Variants in TCEA3 observed in about 807,000 individuals in gnomAD.
TCEA3 encodes the protein transcription elongation factor A protein 3.
TCEA3 carries 36 observed loss-of-function variants against 44.0 expected under a neutral mutation model. The ratio of observed to expected loss-of-function variants is 0.82; its 90% CI spans 0.63 to 1.08. The LOEUF is 1.08. Among genes scored for constraint, TCEA3 ranks in the 50% least tolerant of loss-of-function variants. TCEA3 has a pLI of 0.00. For synonymous variants in TCEA3, 162 were observed against 159.7 expected (o/e 1.01, Z -0.11); for missense variants, 392 against 441.2 (o/e 0.89, Z 1.00).
intron 8 of TCEA3, among the ~76,000 whole-genome samples, chr1:23,392,448 A>C (rs796330344): frequency 4.0e-5 from 1 of 24,930 alleles, no homozygotes; most frequent in Non-Finnish European, 1.0e-4. Context: ...CATGCACAAT[A>C]CACACACACT....
intron 8 of TCEA3, among the ~76,000 whole-genome samples, chr1:23,388,584 A>G (rs986587088): frequency 5.3e-5 from 8 of 152,158 alleles, no homozygotes; most frequent in African/African-American, 1.7e-4. Flanking sequence ...TAGTGTGCTC[A>G]CCTTTCATTA....
intron 8 of TCEA3, among the ~76,000 whole-genome samples, chr1:23,392,600 C>A: frequency 6.6e-6 from 1 of 150,680 alleles, no homozygotes; most frequent in Non-Finnish European, 1.5e-5. Flanking sequence ...ACACACACTC[C>A]ACACATCATA....
intron 4 of TCEA3, among the ~76,000 whole-genome samples, chr1:23,416,000 CTTT>C (rs768819564): frequency 2.2e-4 from 26 of 118,704 alleles, no homozygotes; most frequent in Middle Eastern, 4.6e-3. Context: ...CTACATTTTC[CTTT>C]TTTTTTTTTT....
chr1:23,382,645 T>C (rs1034749654), intron 10 of TCEA3, among the ~76,000 whole-genome samples: 1 of 152,234 alleles, frequency 6.6e-6, no homozygotes, highest in East Asian at 1.9e-4. Context: ...AGATGCCATA[T>C]GAGCTCTCAG....
At chr1:23,383,329 C>T (rs549465655) in intron 10 of TCEA3, 20 of 737,924 alleles carry the variant, frequency 2.7e-5, no homozygotes, top group East Asian at 2.6e-4. Flanking sequence ...GTCGGAGCAT[C>T]GGCTTTCAGT....
intron 4 of TCEA3, 69 bp from the exon 5 acceptor site, chr1:23,408,795 G>C: frequency 1.4e-6 from 2 of 1,446,788 alleles, no homozygotes; most frequent in South Asian, 2.5e-5. Context: ...AAGGTGGGGA[G>C]AAAGCATCCT....
chr1:23,397,524 C>T (rs1170335926), intron 7 of TCEA3, 21 bp downstream of exon 7: 1 of 1,612,306 alleles, frequency 6.2e-7, no homozygotes, highest in Non-Finnish European at 8.5e-7. Context: ...CACCCACAGC[C>T]CCGGCACAGT....
chr1:23,389,245 T>A (rs1638946671), intron 8 of TCEA3, among the ~76,000 whole-genome samples: 1 of 152,088 alleles, frequency 6.6e-6, no homozygotes, highest in Admixed American at 6.5e-5. Flanking sequence ...CTCAGCACTT[T>A]GGGAGGCTGG....
chr1:23,408,206 C>G (rs555696855), intron 5 of TCEA3, among the ~76,000 whole-genome samples: 1 of 152,292 alleles, frequency 6.6e-6, no homozygotes, highest in South Asian at 2.1e-4. Context: ...AAGTGATCCG[C>G]CTGCCTCGGC....
chr1:23,398,183 T>A (rs2148559653), intron 5 of TCEA3, among the ~76,000 whole-genome samples: 1 of 152,282 alleles, frequency 6.6e-6, no homozygotes, highest in East Asian at 1.9e-4. Flanking sequence ...TTAAAGTGCA[T>A]GGTAGAGAAA....
intron 9 of TCEA3, among the ~76,000 whole-genome samples, chr1:23,384,713 C>T (rs1475979049): frequency 7.3e-6 from 1 of 136,622 alleles, no homozygotes; most frequent in Non-Finnish European, 1.5e-5. Flanking sequence ...GTTGCCCAGA[C>T]TGGAGTGCAG....
chr1:23,417,330 T>C lies in TCEA3; in HGVS notation c.299A>G (p.Glu100Gly). ...GEEREKAKKKEKGLECSDWKP... is the reference protein window; with the variant it reads ...GEEREKAKKKGKGLECSDWKP... Reference sequence around the variant, plus strand: ...CCAGTCTGAACACTCAAGCCCTTTTTCCTTCTTCTTTGCCTTTTCTCTTTC... The same window carrying C: ...CCAGTCTGAACACTCAAGCCCTTTTCCCTTCTTCTTTGCCTTTTCTCTTTC... The change falls in exon 4 of 11, where the codon GAA becomes GGA. Residue 100 changes from glutamate (E) to glycine (G), a missense_variant. Glu to Gly is a moderately conservative substitution (Grantham distance 98, BLOSUM62 -2). Transcript: ENST00000450454. 1 of 1,614,060 alleles carries C rather than the reference T, an allele frequency of 6.2e-7. No homozygotes were observed. Among genetic ancestry groups the C allele is most frequent in the Non-Finnish European group, 8.5e-7 (1 of 1,179,898 alleles).
intron 5 of TCEA3, among the ~76,000 whole-genome samples, chr1:23,406,749 T>C (rs1639556239): frequency 6.6e-6 from 1 of 152,130 alleles, no homozygotes; most frequent in Non-Finnish European, 1.5e-5. Flanking sequence ...CGGGTTCAAG[T>C]GATTCTTTTG....
chr1:23,405,074 G>GT lies in TCEA3; in HGVS notation c.443+3589dup, dbSNP rs559368145. ...TTCCCCAAAGCAACAATCAGCTGCA[G>GT]TGGGGTAGTGGCTGCCCCCTTCAGA... On this transcript the variant is annotated intron_variant, in intron 5 of 10. Transcript: ENST00000450454. Among the ~76,000 whole-genome samples, 202 of 152,308 alleles carry GT rather than the reference G, an allele frequency of 1.3e-3. 5 individuals are homozygous for GT. In the East Asian group the frequency reaches 0.033, roughly 25 times the overall value.
At chr1:23,422,556 T>C (rs1640095729) in intron 1 of TCEA3, among the ~76,000 whole-genome samples, 1 of 152,116 alleles carries the variant, frequency 6.6e-6, no homozygotes. Flanking sequence ...GCCTAACCAC[T>C]GCTGGGCGGG....
At chr1:23,403,693 T>G (rs1639461591) in intron 5 of TCEA3, 1 of 183,090 alleles carries the variant, frequency 5.5e-6, no homozygotes, top group African/African-American at 2.3e-5. Flanking sequence ...AAGGGTATAG[T>G]CAGACCACGA....
At chr1:23,408,773 A>G (rs201271725) in intron 4 of TCEA3, 47 bp from the exon 5 acceptor site, 1,228 of 1,522,752 alleles carry the variant, frequency 8.1e-4, no homozygotes, top group Non-Finnish European at 1.0e-3. Flanking sequence ...GACTAGCATC[A>G]GTACTGACAG....
intron 5 of TCEA3, among the ~76,000 whole-genome samples, chr1:23,403,312 C>T (rs1030258835): frequency 6.6e-6 from 1 of 152,232 alleles, no homozygotes; most frequent in African/African-American, 2.4e-5. Flanking sequence ...GAGACCAACA[C>T]TTTGTAGCTA....
At chr1:23,406,868 C>T (rs776947359) in intron 5 of TCEA3, among the ~76,000 whole-genome samples, 18 of 152,110 alleles carry the variant, frequency 1.2e-4, no homozygotes, top group Non-Finnish European at 2.4e-4. Context: ...GTGATCTGCC[C>T]GCCTCGGCCT....
Sources: allele counts gnomAD v4.1 joint callset (sites outside exome capture counted in the v4.1 genomes callset), GRCh38; gene constraint gnomAD v4.1.1; transcripts MANE v1.5; gene names NCBI Gene and HGNC (gene_info 2026-07-23, HGNC 2026-07-21).